The following CSMD1 variants were observed in gnomAD, a reference collection of about 807,000 sequenced individuals.
CSMD1 encodes the protein CUB and sushi domain-containing protein 1.
In CSMD1, 213 loss-of-function variants were observed where a neutral mutation model predicts 417.5. The ratio of observed to expected loss-of-function variants is 0.51; its 90% CI spans 0.46 to 0.57. CSMD1 has a LOEUF of 0.57. Among genes scored for constraint, CSMD1 ranks in the 20% least tolerant of loss-of-function variants. The pLI, the probability that CSMD1 is intolerant of heterozygous loss-of-function variation, is 0.00. For missense variants in CSMD1, 6,923 were observed against 4,529.7 expected, an observed-to-expected ratio of 1.53 and a Z score of -15.17; for synonymous variants, 2,862 against 1,736.8, an observed-to-expected ratio of 1.65 and a Z score of -16.11.
chr8:4,362,423 A>T (rs1261311736), intron 3 of CSMD1, among the ~76,000 whole-genome samples: 1 of 152,162 alleles, frequency 6.6e-6, no homozygotes, highest in African/African-American at 2.4e-5. Flanking sequence ...GATTAGATGT[A>T]ACTTTGGACA....
chr8:3,564,912 A>G (rs2116884221), intron 10 of CSMD1, among the ~76,000 whole-genome samples: 1 of 152,030 alleles, frequency 6.6e-6, no homozygotes, highest in East Asian at 1.9e-4. Context: ...AGAGACAAAT[A>G]TGTTGGAGAG....
chr8:3,365,882 A>C (rs762735322), intron 20 of CSMD1, among the ~76,000 whole-genome samples: 3 of 152,252 alleles, frequency 2.0e-5, no homozygotes, highest in Non-Finnish European at 4.4e-5. Context: ...TGAGTAACTC[A>C]TCTTACAGTA....
intron 25 of CSMD1, among the ~76,000 whole-genome samples, chr8:3,287,005 G>C (rs987025121): frequency 6.6e-6 from 1 of 152,002 alleles, no homozygotes; most frequent in African/African-American, 2.4e-5. Flanking sequence ...TTTGTATAAG[G>C]TGTAAGGAAG....
chr8:4,269,046 A>G (rs1223537769), intron 3 of CSMD1, among the ~76,000 whole-genome samples: 2 of 152,130 alleles, frequency 1.3e-5, no homozygotes, highest in Non-Finnish European at 2.9e-5. Flanking sequence ...CCAAGGTATC[A>G]TCTTCGTCTT....
chr8:4,764,885 A>ACAAAAAAAAAAAC (rs1263324929), intron 1 of CSMD1, among the ~76,000 whole-genome samples: 3 of 74,810 alleles, frequency 4.0e-5, no homozygotes, highest in Non-Finnish European at 6.6e-5. Flanking sequence ...AAAAAAAAAA[A>ACAAAAAAAAAAAC]AAAAAAAAAC....
intron 2 of CSMD1, among the ~76,000 whole-genome samples, chr8:4,513,079 T>C (rs1330234198): frequency 6.6e-6 from 1 of 152,182 alleles, no homozygotes; most frequent in Non-Finnish European, 1.5e-5. Context: ...TGGATACATG[T>C]TATTGAACTT....
chr8:3,866,763 G>A (rs1349677492), intron 5 of CSMD1, among the ~76,000 whole-genome samples: 2 of 152,100 alleles, frequency 1.3e-5, no homozygotes, highest in Admixed American at 1.3e-4. Context: ...ACAAACATAT[G>A]CAAAGTGAGG....
At chr8:4,156,012 C>G (rs548377785) in intron 3 of CSMD1, among the ~76,000 whole-genome samples, 1 of 152,148 alleles carries the variant, frequency 6.6e-6, no homozygotes, top group Non-Finnish European at 1.5e-5. Flanking sequence ...AATGGAGTCA[C>G]AGACCCAGTG....
chr8:4,274,713 A>T (rs999703960), intron 3 of CSMD1, among the ~76,000 whole-genome samples: 8 of 152,180 alleles, frequency 5.3e-5, no homozygotes, highest in African/African-American at 1.9e-4. Context: ...AAGTCAACAT[A>T]ATACATAGCA....
At chr8:4,213,665 G>T (rs944577216) in intron 3 of CSMD1, among the ~76,000 whole-genome samples, 1 of 152,232 alleles carries the variant, frequency 6.6e-6, no homozygotes, top group Admixed American at 6.5e-5. Flanking sequence ...CAGCAACTGA[G>T]ATGAAAGCAG....
chr8:3,392,317 G>C (rs929599219), intron 17 of CSMD1, among the ~76,000 whole-genome samples: 3 of 151,980 alleles, frequency 2.0e-5, no homozygotes, highest in Admixed American at 6.6e-5. Context: ...AATAATTCTT[G>C]GGTCACAGGC....
At chr8:3,016,630 C>G (rs891714288) in intron 52 of CSMD1, among the ~76,000 whole-genome samples, 3 of 152,160 alleles carry the variant, frequency 2.0e-5, no homozygotes, top group African/African-American at 7.2e-5. Flanking sequence ...TGTGTCATTT[C>G]TAATCTTTTT....
intron 4 of CSMD1, among the ~76,000 whole-genome samples, chr8:4,007,748 C>T (rs1585122345): frequency 1.3e-5 from 2 of 151,870 alleles, no homozygotes; most frequent in Non-Finnish European, 2.9e-5. Context: ...CAGTTGCAAA[C>T]AAGCCTCTAT....
intron 50 of CSMD1, among the ~76,000 whole-genome samples, chr8:3,040,988 C>CTT (rs2128983748): frequency 6.6e-6 from 1 of 152,144 alleles, no homozygotes; most frequent in South Asian, 2.1e-4. Context: ...TTTCTGTTTC[C>CTT]TTTTCTCTGC....
chr8:4,450,754 C>G (rs1168051283), intron 2 of CSMD1, among the ~76,000 whole-genome samples: 3 of 152,168 alleles, frequency 2.0e-5, no homozygotes, highest in African/African-American at 7.2e-5. Flanking sequence ...AAACAGCGGT[C>G]TCTTCACAAA....
At chr8:3,720,605 C>G (rs1335991982) in intron 6 of CSMD1, among the ~76,000 whole-genome samples, 1 of 97,374 alleles carries the variant, frequency 1.0e-5, no homozygotes, top group Non-Finnish European at 2.1e-5. Context: ...CATTGGTGGT[C>G]AAAGTCTTTA....
intron 3 of CSMD1, among the ~76,000 whole-genome samples, chr8:4,403,437 C>T (rs532312864): frequency 9.2e-5 from 14 of 152,096 alleles, no homozygotes; most frequent in African/African-American, 9.7e-5. Flanking sequence ...ACCTGCCATT[C>T]GACTCAAAAT....
intron 2 of CSMD1, among the ~76,000 whole-genome samples, chr8:4,586,031 C>A (rs138826657): frequency 6.6e-6 from 1 of 152,144 alleles, no homozygotes; most frequent in Non-Finnish European, 1.5e-5. Context: ...CATTATTATG[C>A]GCATGTAATG....
chr8:3,942,062 T>G (rs1032988780), intron 5 of CSMD1, among the ~76,000 whole-genome samples: 1 of 151,942 alleles, frequency 6.6e-6, no homozygotes, highest in Non-Finnish European at 1.5e-5. Context: ...GAATTGGGCA[T>G]GCAAGGGATC....
Sources: gnomAD v4.1 joint callset for allele counts (sites outside exome capture counted in the v4.1 genomes callset) on GRCh38, gnomAD v4.1.1 for gene constraint, MANE v1.5 for transcripts, NCBI Gene and HGNC (gene_info 2026-07-23, HGNC 2026-07-21) for gene names.